GALNT13: variants seen among roughly 807,000 people sequenced by gnomAD.
GALNT13 encodes polypeptide N-acetylgalactosaminyltransferase 13.
GALNT13 carries 28 observed loss-of-function variants against 64.2 expected under a neutral mutation model. The ratio of observed to expected loss-of-function variants is 0.44; its 90% CI spans 0.32 to 0.60. The LOEUF (loss-of-function observed/expected upper bound fraction) is 0.60, where lower values mean the gene tolerates loss of function less well. Among genes scored for constraint, GALNT13 ranks in the 20% least tolerant of loss-of-function variants. GALNT13 has a pLI of 0.05. For synonymous variants in GALNT13, 214 were observed against 224.6 expected, an observed-to-expected ratio of 0.95 and a Z score of 0.42; for missense variants, 577 against 669.8, an observed-to-expected ratio of 0.86 and a Z score of 1.53.
the GALNT13 span, among the ~76,000 whole-genome samples, chr2:153,501,844 A>G: frequency 2.0e-5 from 3 of 152,216 alleles, no homozygotes; most frequent in South Asian, 2.1e-4. Flanking sequence ...CTTTTAATTA[A>G]GCTGGCTTTT....
At chr2:153,756,761 T>G in the GALNT13 span, among the ~76,000 whole-genome samples, 1 of 152,160 alleles carries the variant, frequency 6.6e-6, no homozygotes. Context: ...AAATACTCAG[T>G]GAAATTTATC....
At chr2:154,151,456 C>A (rs71310591) in intron 4 of GALNT13, among the ~76,000 whole-genome samples, 5 of 152,212 alleles carry the variant, frequency 3.3e-5, no homozygotes, top group African/African-American at 9.6e-5. Context: ...CCGCTTGGTG[C>A]AGAGCTGAGT....
At chr2:153,607,985 T>C in the GALNT13 span, among the ~76,000 whole-genome samples, 1 of 152,166 alleles carries the variant, frequency 6.6e-6, no homozygotes, top group Admixed American at 6.6e-5. Context: ...TTAAAAATGT[T>C]ACCCTTCAGT....
the GALNT13 span, among the ~76,000 whole-genome samples, chr2:153,178,093 T>G: frequency 6.6e-6 from 1 of 152,214 alleles, no homozygotes; most frequent in Non-Finnish European, 1.5e-5. Flanking sequence ...GTACATTTTC[T>G]TTATCCACTC....
At chr2:153,926,039 C>T (rs72865010) in intron 2 of GALNT13, among the ~76,000 whole-genome samples, 1 of 151,804 alleles carries the variant, frequency 6.6e-6, no homozygotes, top group Non-Finnish European at 1.5e-5. Context: ...ATTCTAATAC[C>T]CTTTATTTCT....
chr2:153,326,929 C>T, the GALNT13 span, among the ~76,000 whole-genome samples: 6 of 151,974 alleles, frequency 3.9e-5, 1 homozygote, highest in East Asian at 7.8e-4. Flanking sequence ...ACTAAAAATA[C>T]GAAAATTAGC....
At chr2:154,317,126 T>C (rs1196325096) in intron 9 of GALNT13, among the ~76,000 whole-genome samples, 1 of 151,154 alleles carries the variant, frequency 6.6e-6, no homozygotes, top group African/African-American at 2.4e-5. Flanking sequence ...GGCAGGAGAA[T>C]CTCTTGAACC....
chr2:154,022,066 G>C (rs1184910310), intron 3 of GALNT13, among the ~76,000 whole-genome samples: 1 of 152,148 alleles, frequency 6.6e-6, no homozygotes, highest in Non-Finnish European at 1.5e-5. Flanking sequence ...CTTGATCATG[G>C]TGAATAAGCT....
chr2:153,177,679 ACTT>A, the GALNT13 span, among the ~76,000 whole-genome samples: 1 of 152,146 alleles, frequency 6.6e-6, no homozygotes, highest in African/African-American at 2.4e-5. Context: ...TAACCAAGCT[ACTT>A]AACATATCTA....
chr2:153,280,238 C>T, the GALNT13 span, among the ~76,000 whole-genome samples: 1 of 151,884 alleles, frequency 6.6e-6, no homozygotes, highest in Admixed American at 6.6e-5. Flanking sequence ...TCTAATTGTG[C>T]TTATGTGGAT....
chr2:153,347,241 G>T, the GALNT13 span, among the ~76,000 whole-genome samples: 1 of 152,196 alleles, frequency 6.6e-6, no homozygotes, highest in Non-Finnish European at 1.5e-5. Context: ...TGGTCACAAG[G>T]CAGGGATAGG....
chr2:153,399,389 A>G, the GALNT13 span, among the ~76,000 whole-genome samples: 62 of 152,232 alleles, frequency 4.1e-4, no homozygotes, highest in African/African-American at 1.5e-3. Flanking sequence ...TTCGCTTAGG[A>G]TTGACTTGGT....
intron 8 of GALNT13, among the ~76,000 whole-genome samples, chr2:154,284,904 T>C (rs1559067571): frequency 6.6e-6 from 1 of 152,188 alleles, no homozygotes; most frequent in Non-Finnish European, 1.5e-5. Context: ...ATCATTCATC[T>C]TTTTTATAAT....
chr2:153,403,070 T>C, the GALNT13 span, among the ~76,000 whole-genome samples: 5 of 151,736 alleles, frequency 3.3e-5, no homozygotes, highest in Non-Finnish European at 3.0e-5. Flanking sequence ...TATCTACTTT[T>C]GGTCTTTGAT....
intron 9 of GALNT13, among the ~76,000 whole-genome samples, chr2:154,361,494 C>A (rs956339285): frequency 6.6e-6 from 1 of 152,042 alleles, no homozygotes; most frequent in Non-Finnish European, 1.5e-5. Context: ...GATTGAAATC[C>A]TAGCTCTCCT....
At chr2:153,235,733 T>G in the GALNT13 span, among the ~76,000 whole-genome samples, 1 of 152,116 alleles carries the variant, frequency 6.6e-6, no homozygotes, top group South Asian at 2.1e-4. Flanking sequence ...TCAGGTGGTT[T>G]GTTCTCTTCA....
At position 154,409,090 on chromosome 2, in the gene GALNT13, C is replaced by G. The variant is rs1379960743; in HGVS notation, c.1395+8C>G. ...GGTATGGGAGGAAATCAGGTAAACT[C>G]TCCCTTTTTATCAGCTTCATGTTTT... On this transcript the variant is annotated splice_region_variant and intron_variant, in intron 11 of 12. Transcript: ENST00000392825. 3.9e-6 allele frequency: 6 copies of G among 1,546,254 alleles called. No homozygotes were observed. The highest frequency in any genetic ancestry group is 5.4e-6 in the Non-Finnish European group (6 of 1,118,674).
intron 8 of GALNT13, among the ~76,000 whole-genome samples, chr2:154,277,405 G>A (rs948386220): frequency 6.6e-6 from 1 of 151,988 alleles, no homozygotes; most frequent in Non-Finnish European, 1.5e-5. Flanking sequence ...AATCTCTATG[G>A]TAACGACTGC....
chr2:153,539,523 T>A, the GALNT13 span, among the ~76,000 whole-genome samples: 1 of 152,056 alleles, frequency 6.6e-6, no homozygotes, highest in Admixed American at 6.5e-5. Context: ...TTTATGGTTT[T>A]AGGTCTAACG....
Sources: allele counts gnomAD v4.1 joint callset (sites outside exome capture counted in the v4.1 genomes callset), GRCh38; gene constraint gnomAD v4.1.1; transcripts MANE v1.5; gene names NCBI Gene and HGNC (gene_info 2026-07-23, HGNC 2026-07-21).